Variants in PTDSS2 observed in about 807,000 individuals in gnomAD.
PTDSS2 encodes the protein PSS-2.
A neutral mutation model predicts 64.7 loss-of-function variants in PTDSS2; 41 were observed. The observed-to-expected ratio is 0.63, with a 90% CI of 0.49 to 0.82. The LOEUF (loss-of-function observed/expected upper bound fraction) is 0.82, where lower values mean the gene tolerates loss of function less well. Ranked by LOEUF, PTDSS2 falls within the 40% of genes least tolerant of loss-of-function variation. The probability of loss-of-function intolerance (pLI) is 0.00; values close to 1 mark genes in which losing one functional copy is unlikely to be tolerated. For synonymous variants in PTDSS2, 297 were observed against 277.8 expected (o/e 1.07, Z -0.69); for missense variants, 485 against 650.0 (o/e 0.75, Z 2.76).
At chr11:477,986 G>A (rs1320811083) in intron 3 of PTDSS2, among the ~76,000 whole-genome samples, 3 of 152,216 alleles carry the variant, frequency 2.0e-5, no homozygotes, top group Non-Finnish European at 4.4e-5. Flanking sequence ...ATGAGCCACG[G>A]GGGCCGTCTT....
intron 2 of PTDSS2, among the ~76,000 whole-genome samples, chr11:469,938 A>C (rs1847342329): frequency 6.6e-6 from 1 of 152,194 alleles, no homozygotes; most frequent in African/African-American, 2.4e-5. Context: ...AAAATAATAA[A>C]GTAGTATTAG....
intron 2 of PTDSS2, among the ~76,000 whole-genome samples, chr11:472,009 G>GCGGATGGCGGCCTGGGGTGACA (rs1847479890): frequency 6.8e-6 from 1 of 146,724 alleles, no homozygotes; most frequent in Admixed American, 6.7e-5. Flanking sequence ...CTGGGGTGAC[G>GCGGATGGCGGCCTGGGGTGACA]CGGATGGCGG....
intron 4 of PTDSS2, among the ~76,000 whole-genome samples, chr11:481,091 A>AG (rs1848051650): frequency 6.6e-6 from 1 of 151,936 alleles, no homozygotes; most frequent in Non-Finnish European, 1.5e-5. Flanking sequence ...CTCAAAAAAA[A>AG]AAAAAAAAGA....
At chr11:488,467 G>C (rs1295763937) in intron 7 of PTDSS2, 62 bp from the exon 8 acceptor site, 10 of 1,451,276 alleles carry the variant, frequency 6.9e-6, no homozygotes, top group African/African-American at 4.2e-5. Flanking sequence ...GCTCTTCCGG[G>C]GTCCTCCTCG....
chr11:480,058 C>T (rs1049234227), intron 4 of PTDSS2: 4 of 152,686 alleles, frequency 2.6e-5, no homozygotes, highest in African/African-American at 7.2e-5. Context: ...CTTTGTGTTA[C>T]CCCTTGGTAG....
chr11:457,143 A>G (rs1038084642), intron 1 of PTDSS2, among the ~76,000 whole-genome samples: 2 of 152,220 alleles, frequency 1.3e-5, no homozygotes, highest in Non-Finnish European at 2.9e-5. Flanking sequence ...AAATACAGAA[A>G]GTTCCAGCCT....
chr11:456,101 A>G (rs1446792457), intron 1 of PTDSS2, among the ~76,000 whole-genome samples: 1 of 150,908 alleles, frequency 6.6e-6, no homozygotes, highest in African/African-American at 2.4e-5. Flanking sequence ...GGCTGTCATC[A>G]CGTCGTTGGC....
At chr11:474,514 A>T (rs1474693267) in intron 3 of PTDSS2, among the ~76,000 whole-genome samples, 1 of 151,934 alleles carries the variant, frequency 6.6e-6, no homozygotes, top group Non-Finnish European at 1.5e-5. Context: ...GGTGCCGCCC[A>T]CCCCCTGCCC....
chr11:457,672 G>GA (rs1310471548), intron 1 of PTDSS2, among the ~76,000 whole-genome samples: 1 of 152,182 alleles, frequency 6.6e-6, no homozygotes, highest in Admixed American at 6.5e-5. Context: ...TCCCGTTTTA[G>GA]GTTATTATAC....
In PTDSS2 at chr11:490,456, G is replaced by A. The variant is rs1159747702; in HGVS notation, c.1338G>A (p.Gln446=). The part of the protein sequence containing the change: ...ITLRYKETRW[Q]KWQNKDDQGS... ...TGAGGTACAAGGAGACCCGGTGGCA[G>A]AAGTGGCAGAACAAGGATGACCAGG... Residue 446 remains glutamine, a synonymous_variant, in exon 12 of 12, where the codon CAG becomes CAA. Transcript: ENST00000308020. 1 of 1,613,256 alleles carries A rather than the reference G, an allele frequency of 6.2e-7. No individual in the cohort carries two copies. The highest frequency in any genetic ancestry group is 8.5e-7 in the Non-Finnish European group (1 of 1,179,958).
At chr11:468,958 T>C (rs556256032) in intron 2 of PTDSS2, among the ~76,000 whole-genome samples, 2 of 122,594 alleles carry the variant, frequency 1.6e-5, no homozygotes, top group African/African-American at 6.5e-5. Context: ...AGTCTCTGGG[T>C]AATCGGAGGG....
intron 1 of PTDSS2, among the ~76,000 whole-genome samples, chr11:454,589 G>A (rs1389654410): frequency 2.6e-5 from 4 of 152,058 alleles, no homozygotes; most frequent in Admixed American, 6.6e-5. Flanking sequence ...GGTGGATCAC[G>A]AGGTCAGGAG....
At chr11:456,444 T>C (rs879481605) in intron 1 of PTDSS2, among the ~76,000 whole-genome samples, 11 of 151,898 alleles carry the variant, frequency 7.2e-5, no homozygotes, top group Non-Finnish European at 1.3e-4. Context: ...CCCAAAGCTC[T>C]GGAATTACAG....
chr11:487,588 C>T (rs1355303242), intron 6 of PTDSS2, 118 bp downstream of exon 6: 10 of 935,902 alleles, frequency 1.1e-5, no homozygotes, highest in South Asian at 6.7e-5. Flanking sequence ...GGGAGGGTGT[C>T]GCACTGCAGC....
chr11:461,937 G>A lies in PTDSS2; in HGVS notation c.284+1649G>A, dbSNP rs1846906944. Among the ~76,000 whole-genome samples the A allele has an allele frequency of 6.6e-6, 1 of 152,184 alleles. No individual in the cohort carries two copies. The highest frequency in any genetic ancestry group is 2.1e-4 in the South Asian group (1 of 4,832). On this transcript the variant is annotated intron_variant, in intron 2 of 11. Coordinates refer to ENST00000308020, the MANE Select transcript of PTDSS2 (RefSeq NM_030783.3). The surrounding 1 kb of genome is among the most constrained non-coding windows in gnomAD (Gnocchi z 4.2). Reference sequence around the variant, plus strand: ...TGTGCCTAGAGGGAGCTTTCAAGGAGGACTTGGTCTTTCTTGAATTCATCC... The same window carrying A: ...TGTGCCTAGAGGGAGCTTTCAAGGAAGACTTGGTCTTTCTTGAATTCATCC...
intron 2 of PTDSS2, among the ~76,000 whole-genome samples, chr11:468,962 C>T (rs933056502): frequency 8.7e-4 from 86 of 99,074 alleles, no homozygotes; most frequent in African/African-American, 3.2e-3. Flanking sequence ...TCTGGGTAAT[C>T]GGAGGGAGGA....
In PTDSS2 at chr11:470,122, G is replaced by A. The variant is rs570842228; in HGVS notation, c.285-3773G>A. On this transcript the variant is annotated intron_variant, in intron 2 of 11. Transcript: ENST00000308020. This position sits in a 1 kb window ranked among gnomAD's most constrained non-coding sequence, Gnocchi z 5.3. ...CTCCCGGCACCGCTGTGCGCTGCGC[G>A]TGGTGACCTGACCTCCTTCCTGGGC... Among the ~76,000 whole-genome samples, 5 of 152,290 alleles carry A rather than the reference G, an allele frequency of 3.3e-5. No homozygotes were observed. Among genetic ancestry groups the A allele is most frequent in the Admixed American group, 1.3e-4 (2 of 15,300 alleles).
At chr11:482,481 T>C (rs1986562486) in intron 4 of PTDSS2, among the ~76,000 whole-genome samples, 1 of 151,914 alleles carries the variant, frequency 6.6e-6, no homozygotes, top group Admixed American at 6.6e-5. Flanking sequence ...ACCTGACTAA[T>C]TTTTTAACTT....
In PTDSS2 at chr11:461,739, A is replaced by G. The variant is rs1345512628; in HGVS notation, c.284+1451A>G. 6.6e-6 allele frequency among the ~76,000 whole-genome samples: 1 copy of G among 152,030 alleles called. No individual in the cohort carries two copies. Among genetic ancestry groups the G allele is most frequent in the Non-Finnish European group, 1.5e-5 (1 of 67,984 alleles). ...CTCGCTCCTTCTCCCTTTCTTAGGC[A>G]GTCCCAGCGGGGGTCACGTGCAGAA... On this transcript the variant is annotated intron_variant, in intron 2 of 11. Coordinates refer to ENST00000308020, the MANE Select transcript of PTDSS2 (RefSeq NM_030783.3). The surrounding 1 kb of genome is among the most constrained non-coding windows in gnomAD (Gnocchi z 4.2).
Sources: allele counts gnomAD v4.1 joint callset (sites outside exome capture counted in the v4.1 genomes callset), GRCh38; gene constraint gnomAD v4.1.1; non-coding constraint Gnocchi (gnomAD v3.1); transcripts MANE v1.5; gene names NCBI Gene and HGNC (gene_info 2026-07-23, HGNC 2026-07-21).